BDNF: variants seen among roughly 807,000 people sequenced by gnomAD.
The protein encoded by BDNF is brain derived neurotrophic factor, also known as neurotrophic factor BDNF precursor form.
BDNF carries 1 observed loss-of-function variant against 19.5 expected under a neutral mutation model. That is an observed-to-expected ratio of 0.05 (90% CI 0.02 to 0.24). The LOEUF (loss-of-function observed/expected upper bound fraction) is 0.24, where lower values mean the gene tolerates loss of function less well. Ranked by LOEUF, BDNF falls within the 10% of genes least tolerant of loss-of-function variation. The probability of loss-of-function intolerance (pLI) is 1.00; values close to 1 mark genes in which losing one functional copy is unlikely to be tolerated. For synonymous variants in BDNF, 100 were observed against 121.6 expected (o/e 0.82, Z 1.17); for missense variants, 195 against 317.6 (o/e 0.61, Z 2.93).
chr11:27,661,353 C>G (rs1183960934), intron 1 of BDNF, among the ~76,000 whole-genome samples: 1 of 152,148 alleles, frequency 6.6e-6, no homozygotes, highest in South Asian at 2.1e-4. Flanking sequence ...TTGGGCAACC[C>G]AGGCATAGGA....
chr11:27,659,148 C>CT (rs1018882604), intron 1 of BDNF: 77 of 999,904 alleles, frequency 7.7e-5, no homozygotes, highest in African/African-American at 8.8e-5. Context: ...TTTAAATTGA[C>CT]TTTTTTTTTC....
At chr11:27,669,218 A>T (rs1564954919) in intron 1 of BDNF, among the ~76,000 whole-genome samples, 1 of 152,218 alleles carries the variant, frequency 6.6e-6, no homozygotes, top group Non-Finnish European at 1.5e-5. Flanking sequence ...CCTTTGTGCT[A>T]AAAACTCTAA....
Position 27,697,097 on chromosome 11 carries a change from T to TTC in BDNF, c.-22+3065_-22+3066dup, listed in dbSNP as rs143062715. On this transcript the variant is annotated intron_variant, in intron 1 of 1. Coordinates refer to ENST00000356660, the MANE Select transcript of BDNF (RefSeq NM_001709.5). ...CTGTGTTATATTTCACAGTTCACAG[T>TTC]TCTCTCTCTCTCTCTCTCCCCCTCT... 2.2e-4 allele frequency among the ~76,000 whole-genome samples: 32 copies of TTC among 143,504 alleles called. 1 individual carries two copies. The highest frequency in any genetic ancestry group is 5.6e-4 in the Admixed American group (8 of 14,252). 94.1% of individuals were successfully genotyped at this position (143,504 alleles called of 152,430 possible).
chr11:27,673,127 AGCTAAGG>A (rs1288286496), intron 1 of BDNF, among the ~76,000 whole-genome samples: 1 of 152,116 alleles, frequency 6.6e-6, no homozygotes, highest in Non-Finnish European at 1.5e-5. Context: ...GTGTAAACAC[AGCTAAGG>A]GACCGCCTCC....
exon 1 of BDNF, chr11:27,721,615 C>A (rs1048507188): frequency 3.3e-5 from 21 of 634,534 alleles, no homozygotes. Flanking sequence ...ACCTTGGCGA[C>A]TACAGAAGAC....
chr11:27,667,152 A>G (rs1234053665), intron 1 of BDNF, among the ~76,000 whole-genome samples: 3 of 152,204 alleles, frequency 2.0e-5, no homozygotes, highest in African/African-American at 7.2e-5. Flanking sequence ...CCAGAATTTC[A>G]TATCCAGCCA....
rs554033366 is a variant in BDNF, at chr11:27,684,787, T to G, written c.-22+15377A>C. ...GTAGATAAGCTTTTTGATGTGCTGC[T>G]GGATTCAGTTTACCAGTTTTTTATT... On this transcript the variant is annotated intron_variant, in intron 1 of 1. Transcript: ENST00000356660. 7.2e-5 allele frequency among the ~76,000 whole-genome samples: 11 copies of G among 152,322 alleles called. No homozygotes were observed. The South Asian group carries it at 2.3e-3, about 32-fold the overall frequency.
In BDNF at chr11:27,720,423, AC is replaced by A. The variant is rs1349000027; in HGVS notation, c.3+988del. ...GCATTTCCCAAAGTTAACCCAGTAT[AC>A]CAACCCGGAGCTTGCCAAGAGTCTA... On this transcript the variant is annotated intron_variant, in intron 1 of 1. Transcript: ENST00000314915. 5.1e-6 allele frequency: 5 copies of A among 985,662 alleles called. No individual in the cohort carries two copies. In the African/African-American group the frequency reaches 7.0e-5, roughly 14 times the overall value. The allele number at this position is 985,662 out of a possible 1,614,324, so 61.1% of individuals were successfully genotyped here.
chr11:27,691,267 T>G (rs1858239614), intron 1 of BDNF: 2 of 152,104 alleles, frequency 1.3e-5, no homozygotes, highest in Non-Finnish European at 2.9e-5. Flanking sequence ...GGAGGGAGTA[T>G]GTGAATAGGT....
intron 1 of BDNF, among the ~76,000 whole-genome samples, chr11:27,690,780 G>A (rs1858143755): frequency 6.6e-6 from 1 of 151,916 alleles, no homozygotes; most frequent in Non-Finnish European, 1.5e-5. Flanking sequence ...CCAACTTCTA[G>A]TAAATGGAAG....
At chr11:27,662,827 G>C (rs1315088242) in intron 1 of BDNF, among the ~76,000 whole-genome samples, 1 of 152,198 alleles carries the variant, frequency 6.6e-6, no homozygotes, top group Non-Finnish European at 1.5e-5. Flanking sequence ...CCAGGGACTG[G>C]TAACAATCCA....
intron 1 of BDNF, among the ~76,000 whole-genome samples, chr11:27,668,895 CCTAA>C (rs1854837655): frequency 6.6e-6 from 1 of 152,116 alleles, no homozygotes; most frequent in African/African-American, 2.4e-5. Context: ...GGGAATCCTC[CCTAA>C]CTCATTTTAT....
At chr11:27,674,248 T>G in intron 1 of BDNF, 1 of 1,583,558 alleles carries the variant, frequency 6.3e-7, no homozygotes, top group Non-Finnish European at 8.6e-7. Context: ...AGGATTAACC[T>G]TGTGCACTCA....
chr11:27,656,864 T>C lies in BDNF; in HGVS notation c.*957A>G, dbSNP rs76327806. 7.0e-3 allele frequency: 6,916 copies of C among 985,282 alleles called. 343 individuals are homozygous for C. The African/African-American group carries it at 0.11, about 16-fold the overall frequency. The allele number at this position is 985,282 out of a possible 1,614,324, so 61.0% of individuals were successfully genotyped here. On this transcript the variant is annotated 3_prime_UTR_variant, in exon 2 of 2. Coordinates refer to ENST00000356660, the MANE Select transcript of BDNF (RefSeq NM_001709.5). The stretch of plus-strand genomic sequence containing the variant: ...ATACGAGTGTCATGATGTGACACAA[T>C]GTGTTCACTTGTTCACAGCAGTGGT...
intron 1 of BDNF, among the ~76,000 whole-genome samples, chr11:27,663,358 C>T (rs1418332143): frequency 6.6e-6 from 1 of 152,170 alleles, no homozygotes; most frequent in African/African-American, 2.4e-5. Flanking sequence ...GCTTTCATAG[C>T]CCCACTGTCA....
rs369725109 is a variant in BDNF at position 27,699,433 on chromosome 11, C to G, written c.-22+731G>C. ...CCAGAGACTAACCCGAGTCAAGAAT[C>G]CCCCACGTACATCCCAACCACTCCC... is the stretch of plus-strand genomic sequence containing the variant. On this transcript the variant is annotated intron_variant, in intron 1 of 1. Coordinates refer to ENST00000356660, the MANE Select transcript of BDNF (RefSeq NM_001709.5). 20 of 1,614,038 alleles carry G rather than the reference C, an allele frequency of 1.2e-5. No homozygotes were observed. The Admixed American group carries it at 3.2e-4, about 26-fold the overall frequency.
At chr11:27,697,164 C>CAG (rs72348822) in intron 1 of BDNF, among the ~76,000 whole-genome samples, 53 of 133,162 alleles carry the variant, frequency 4.0e-4, no homozygotes, top group African/African-American at 1.3e-3. Context: ...CACACACACA[C>CAG]AGAGAGAGAG....
intron 1 of BDNF, among the ~76,000 whole-genome samples, chr11:27,712,851 C>T (rs952646696): frequency 3.3e-5 from 5 of 151,400 alleles, no homozygotes; most frequent in African/African-American, 9.7e-5. Context: ...TTTACATAAG[C>T]TTTACCAGAC....
intron 1 of BDNF, among the ~76,000 whole-genome samples, chr11:27,699,057 C>T (rs954991879): frequency 6.6e-6 from 1 of 152,014 alleles, no homozygotes; most frequent in African/African-American, 2.4e-5. Flanking sequence ...TCTAAGGGAT[C>T]CCGCAAAACC....
Sources: allele counts gnomAD v4.1 joint callset (sites outside exome capture counted in the v4.1 genomes callset), GRCh38; gene constraint gnomAD v4.1.1; transcripts MANE v1.5; gene names NCBI Gene and HGNC (gene_info 2026-07-23, HGNC 2026-07-21).